ZBTB7C: variants seen among roughly 807,000 people sequenced by gnomAD.
The protein encoded by ZBTB7C is zinc finger and BTB domain containing 7C.
ZBTB7C carries 8 observed loss-of-function variants against 25.7 expected under a neutral mutation model. That is an observed-to-expected ratio of 0.31 (90% confidence interval 0.18 to 0.56). The LOEUF (loss-of-function observed/expected upper bound fraction) is 0.56, where lower values mean the gene tolerates loss of function less well. ZBTB7C is among the 20% of genes least tolerant of loss of function. ZBTB7C has a pLI of 0.91. For synonymous variants in ZBTB7C, 394 were observed against 369.0 expected, an observed-to-expected ratio of 1.07 and a Z score of -0.78; for missense variants, 824 against 855.2, an observed-to-expected ratio of 0.96 and a Z score of 0.46.
intron 2 of ZBTB7C, among the ~76,000 whole-genome samples, chr18:48,196,433 A>G (rs1363993399): frequency 2.0e-5 from 3 of 152,200 alleles, no homozygotes; most frequent in Non-Finnish European, 2.9e-5. Context: ...AACTTCTTAC[A>G]GAGGTGAGTT....
chr18:48,408,123 C>T (rs1235470906), intron 1 of ZBTB7C, among the ~76,000 whole-genome samples: 1 of 152,248 alleles, frequency 6.6e-6, no homozygotes, highest in African/African-American at 2.4e-5. Flanking sequence ...ACTTCCCATA[C>T]AGGCAGCGCA....
chr18:48,034,492 CCTTCCTCCCAGCCCT>C (rs1443650939), intron 4 of ZBTB7C, among the ~76,000 whole-genome samples: 6 of 152,046 alleles, frequency 3.9e-5, no homozygotes, highest in Non-Finnish European at 8.8e-5. Context: ...CCAGGGTGCC[CCTTCCTCCCAGCCCT>C]CTTCCTCCCA....
intron 1 of ZBTB7C, among the ~76,000 whole-genome samples, chr18:48,394,228 T>C (rs1173837425): frequency 1.3e-5 from 2 of 152,170 alleles, no homozygotes; most frequent in African/African-American, 4.8e-5. Flanking sequence ...GTCCCAGAAA[T>C]TTATTTCTGT....
chr18:48,377,297 C>T (rs905588990), intron 1 of ZBTB7C, among the ~76,000 whole-genome samples: 1 of 152,210 alleles, frequency 6.6e-6, no homozygotes, highest in African/African-American at 2.4e-5. Flanking sequence ...CCCAGAATCT[C>T]CTGATCTAAC....
intron 1 of ZBTB7C, among the ~76,000 whole-genome samples, chr18:48,339,633 C>T (rs1479202963): frequency 1.3e-5 from 2 of 152,072 alleles, no homozygotes; most frequent in Non-Finnish European, 2.9e-5. Flanking sequence ...TTTCATCTTC[C>T]TTCCAAGTCA....
At chr18:48,385,822 G>T (rs1421830856) in intron 1 of ZBTB7C, among the ~76,000 whole-genome samples, 1 of 152,174 alleles carries the variant, frequency 6.6e-6, no homozygotes, top group Non-Finnish European at 1.5e-5. Flanking sequence ...CACACGACGT[G>T]CTGCTGGCAG....
chr18:48,169,199 G>T (rs1415435352), intron 3 of ZBTB7C, among the ~76,000 whole-genome samples: 3 of 152,186 alleles, frequency 2.0e-5, no homozygotes, highest in African/African-American at 7.2e-5. Context: ...GCTCCTGCAC[G>T]CATTGTCCCA....
At chr18:48,166,319 T>A (rs190988466) in intron 3 of ZBTB7C, among the ~76,000 whole-genome samples, 18 of 152,366 alleles carry the variant, frequency 1.2e-4, no homozygotes, top group Non-Finnish European at 2.1e-4. Context: ...TATTTATTTG[T>A]TTATTTTGGG....
chr18:48,315,011 A>G (rs1303934500), intron 2 of ZBTB7C, among the ~76,000 whole-genome samples: 2 of 152,116 alleles, frequency 1.3e-5, no homozygotes, highest in African/African-American at 4.8e-5. Context: ...CATGGTGACC[A>G]TGGGCATGGC....
At chr18:48,367,175 T>TATATATATATATATATATATATA (rs2047242433) in intron 1 of ZBTB7C, among the ~76,000 whole-genome samples, 2 of 62,250 alleles carry the variant, frequency 3.2e-5, no homozygotes, top group African/African-American at 1.5e-4. Context: ...TCCCCAAGTT[T>TATATATATATATATATATATATA]TATATATATA....
rs1292876251 is a variant in ZBTB7C at position 48,040,212 on chromosome 18, G to A, written c.896C>T (p.Pro299Leu). The A allele has an allele frequency of 1.3e-6, 2 of 1,570,842 alleles. No homozygotes were observed. Among genetic ancestry groups the A allele is most frequent in the East Asian group, 2.2e-5 (1 of 44,684 alleles). Residue 299 changes from proline (P) to leucine (L), a missense_variant, in exon 4 of 5, where the codon CCA (proline) becomes CTA (leucine). Pro to Leu is a moderately conservative substitution (Grantham distance 98). Transcript: ENST00000590800. ...ATTAGGGAAGGGTGGCGGTGGGGGT[G>A]GGGGCAGCTCCTCCTTCTCCTCCTC... ...IKEEEKEELP[P>L]PPPPPFPNDF... is the part of the protein sequence containing the mutation.
intron 3 of ZBTB7C, among the ~76,000 whole-genome samples, chr18:48,159,934 C>T (rs114938084): frequency 0.019 from 2,945 of 152,284 alleles, 99 homozygotes; most frequent in African/African-American, 0.067. Context: ...CTGGCAGGGC[C>T]GCAGGATGAC....
At chr18:48,361,638 G>A (rs540272775) in intron 1 of ZBTB7C, among the ~76,000 whole-genome samples, 1 of 152,190 alleles carries the variant, frequency 6.6e-6, no homozygotes, top group Non-Finnish European at 1.5e-5. Flanking sequence ...AGAGGGCAGT[G>A]GGTCTCAACC....
At chr18:48,278,509 C>T (rs1053631877) in intron 2 of ZBTB7C, among the ~76,000 whole-genome samples, 1 of 151,854 alleles carries the variant, frequency 6.6e-6, no homozygotes, top group South Asian at 2.1e-4. Context: ...GATCTTGGCT[C>T]ACTGCAACCT....
intron 3 of ZBTB7C, among the ~76,000 whole-genome samples, chr18:48,164,876 C>G (rs181552685): frequency 1.3e-5 from 2 of 152,150 alleles, no homozygotes; most frequent in African/African-American, 2.4e-5. Flanking sequence ...GCCCCCACCC[C>G]CTACATCCCA....
At chr18:48,172,859 C>T (rs986787534) in intron 3 of ZBTB7C, among the ~76,000 whole-genome samples, 9 of 151,642 alleles carry the variant, frequency 5.9e-5, no homozygotes, top group Admixed American at 6.6e-5. Context: ...CACAGACTGT[C>T]GGGAAGGCCT....
At chr18:48,242,643 C>G (rs1254830369) in intron 2 of ZBTB7C, among the ~76,000 whole-genome samples, 1 of 152,158 alleles carries the variant, frequency 6.6e-6, no homozygotes, top group East Asian at 1.9e-4. Context: ...TTGACAATAT[C>G]TAGCATCCCT....
chr18:48,129,371 C>T (rs9945637), intron 3 of ZBTB7C, among the ~76,000 whole-genome samples: 11,729 of 148,272 alleles, frequency 0.079, 641 homozygotes, highest in African/African-American at 0.16. Context: ...AAAAAAAAAC[C>T]ACATAGCAAT....
At chr18:48,286,290 T>G (rs1166363918) in intron 2 of ZBTB7C, among the ~76,000 whole-genome samples, 1 of 151,468 alleles carries the variant, frequency 6.6e-6, no homozygotes, top group Non-Finnish European at 1.5e-5. Context: ...TCAGCTGGAA[T>G]CATCATGGTA....
Sources: allele counts gnomAD v4.1 joint callset (sites outside exome capture counted in the v4.1 genomes callset), GRCh38; gene constraint gnomAD v4.1.1; transcripts MANE v1.5; gene names NCBI Gene and HGNC (gene_info 2026-07-23, HGNC 2026-07-21).